NLRP11: variants seen among roughly 807,000 people sequenced by gnomAD.
NLRP11 encodes the protein NLR family pyrin domain containing 11.
NLRP11 carries 53 observed loss-of-function variants against 79.3 expected under a neutral mutation model. The observed-to-expected ratio is 0.67, with a 90% CI of 0.54 to 0.84. NLRP11 has a LOEUF of 0.84. Among genes scored for constraint, NLRP11 ranks in the 40% least tolerant of loss-of-function variants. The pLI is 0.00. For missense variants in NLRP11, 1,264 were observed against 1,255.0 expected (o/e 1.01, Z -0.11); for synonymous variants, 518 against 462.6 (o/e 1.12, Z -1.54).
chr19:55,786,057 T>C (rs1989861945), intron 9 of NLRP11, among the ~76,000 whole-genome samples, 186 bp from the exon 10 acceptor site: 1 of 152,198 alleles, frequency 6.6e-6, no homozygotes, highest in South Asian at 2.1e-4. Context: ...CATTAAATAT[T>C]AGAATGTAAG....
At chr19:55,836,163 T>G (rs1326845385), upstream of NLRP11, among the ~76,000 whole-genome samples, 2 of 152,206 alleles carry the variant, frequency 1.3e-5, no homozygotes, top group Non-Finnish European at 2.9e-5. Flanking sequence ...CAGGTTTAGT[T>G]ACGGCAGAAA....
chr19:55,790,203 T>C (rs549331726), intron 7 of NLRP11, among the ~76,000 whole-genome samples: 1 of 152,232 alleles, frequency 6.6e-6, no homozygotes, highest in South Asian at 2.1e-4. Context: ...GCCCTTAGGA[T>C]TGAATTAAAA....
chr19:55,817,887 C>T lies in NLRP11; in HGVS notation c.271+17G>A, dbSNP rs1186540994. The T allele has an allele frequency of 6.3e-7, 1 of 1,581,242 alleles. No individual in the cohort carries two copies. The highest frequency in any genetic ancestry group is 1.4e-5 in the African/African-American group (1 of 73,808). On this transcript the variant is annotated intron_variant, in intron 2 of 9. Coordinates refer to ENST00000589093, the Ensembl canonical transcript of NLRP11. ...AGTGCCCTGATTTCTGCCCACCCTT[C>T]TCGTGACCCCACTCACGGTTTCGTC... is the stretch of plus-strand genomic sequence containing the variant.
intron 2 of NLRP11, among the ~76,000 whole-genome samples, chr19:55,811,853 T>C (rs2122835839): frequency 6.6e-6 from 1 of 152,272 alleles, no homozygotes; most frequent in East Asian, 1.9e-4. Context: ...TGCAGTTCCT[T>C]ATATACTTTG....
intron 1 of NLRP11, among the ~76,000 whole-genome samples, chr19:55,831,199 G>A (rs1982752322): frequency 7.0e-6 from 1 of 143,784 alleles, no homozygotes; most frequent in African/African-American, 2.6e-5. Flanking sequence ...ATGGCAGGAA[G>A]GGAGGTCAAA....
chr19:55,805,822 G>T (rs1480439040), intron 4 of NLRP11, among the ~76,000 whole-genome samples: 1 of 152,182 alleles, frequency 6.6e-6, no homozygotes, highest in East Asian at 1.9e-4. Flanking sequence ...TTACAGGCAT[G>T]AGCCACTGCA....
chr19:55,800,433 G>A (rs181007961), intron 5 of NLRP11, among the ~76,000 whole-genome samples: 1 of 152,194 alleles, frequency 6.6e-6, no homozygotes, highest in East Asian at 1.9e-4. Context: ...TCACCCTCTC[G>A]CATAGCTGGG....
intron 4 of NLRP11, among the ~76,000 whole-genome samples, chr19:55,806,980 C>T (rs76126630): frequency 0.025 from 3,759 of 152,222 alleles, 57 homozygotes; most frequent in South Asian, 0.069. Flanking sequence ...CCTCCCACAC[C>T]CCTAAATACC....
chr19:55,810,197 G>T (rs1980468825), exon 3 of NLRP11: 2 of 1,614,070 alleles, frequency 1.2e-6, no homozygotes, highest in Non-Finnish European at 1.7e-6. Context: ...ATAGCTGGTA[G>T]AATCATAGGC....
chr19:55,798,306 T>C, intron 5 of NLRP11: 1 of 984,992 alleles, frequency 1.0e-6, no homozygotes, highest in Non-Finnish European at 1.2e-6. Context: ...CTGTGTATTC[T>C]ATTTGGAATG....
chr19:55,813,868 T>G (rs917432274), intron 2 of NLRP11, among the ~76,000 whole-genome samples: 9 of 152,156 alleles, frequency 5.9e-5, no homozygotes, highest in African/African-American at 2.2e-4. Flanking sequence ...CAGGAAAGCC[T>G]TCTCTCAAAC....
At chr19:55,830,581 AT>A (rs962407831) in intron 1 of NLRP11, among the ~76,000 whole-genome samples, 34 of 135,826 alleles carry the variant, frequency 2.5e-4, no homozygotes, top group African/African-American at 9.7e-4. Context: ...TTGCCTAGTG[AT>A]GGCTTCTTAG....
At chr19:55,828,513 T>G (rs1404341117) in intron 1 of NLRP11, among the ~76,000 whole-genome samples, 2 of 152,208 alleles carry the variant, frequency 1.3e-5, no homozygotes, top group Non-Finnish European at 2.9e-5. Context: ...GCAACAAATT[T>G]TAAATCCCAG....
intron 5 of NLRP11, among the ~76,000 whole-genome samples, chr19:55,796,693 CT>C (rs58565461): frequency 1.7e-4 from 25 of 147,194 alleles, no homozygotes; most frequent in South Asian, 2.1e-4. Context: ...TCTCTATTTT[CT>C]TTTTTTTTTT....
chr19:55,785,908 C>T, intron 9 of NLRP11, 37 bp from the exon 10 acceptor site: 10 of 1,591,152 alleles, frequency 6.3e-6, no homozygotes, highest in Non-Finnish European at 7.7e-6. Context: ...GTTAATGCTA[C>T]ATGTGAGGTC....
intron 2 of NLRP11, among the ~76,000 whole-genome samples, chr19:55,814,818 G>A (rs1170153125): frequency 6.6e-6 from 1 of 152,140 alleles, no homozygotes; most frequent in Non-Finnish European, 1.5e-5. Flanking sequence ...CATCAAGGAA[G>A]CCACACAACC....
upstream of NLRP11, among the ~76,000 whole-genome samples, chr19:55,835,723 C>G (rs1983197285): frequency 6.7e-6 from 1 of 149,594 alleles, no homozygotes; most frequent in South Asian, 2.1e-4. Context: ...TGGCTCATGC[C>G]TGTAATTCCG....
chr19:55,800,052 G>A (rs944490405), intron 5 of NLRP11, among the ~76,000 whole-genome samples: 4 of 152,124 alleles, frequency 2.6e-5, no homozygotes, highest in African/African-American at 9.7e-5. Flanking sequence ...GCTGAAGGAC[G>A]CAGTAGGATT....
At chr19:55,829,390 C>T (rs200305045) in intron 1 of NLRP11, among the ~76,000 whole-genome samples, 20,528 of 151,936 alleles carry the variant, frequency 0.14, 1,727 homozygotes, top group East Asian at 0.23. Context: ...TTAGGCTGGG[C>T]AGGGTGGCTC....
Sources: gnomAD v4.1 joint callset for allele counts (sites outside exome capture counted in the v4.1 genomes callset) on GRCh38, gnomAD v4.1.1 for gene constraint, MANE v1.5 for transcripts, NCBI Gene and HGNC (gene_info 2026-07-23, HGNC 2026-07-21) for gene names.